The following RAB40C variants were observed in gnomAD, a reference collection of about 807,000 sequenced individuals.
The protein encoded by RAB40C is ras-related protein Rab-40C.
In RAB40C, 8 loss-of-function variants were observed where a neutral mutation model predicts 28.1. The observed-to-expected ratio is 0.28, with a 90% CI of 0.17 to 0.51. The LOEUF is 0.51. RAB40C is among the 20% of genes least tolerant of loss of function. The pLI is 0.97. For synonymous variants in RAB40C, 201 were observed against 171.7 expected (o/e 1.17, Z -1.34); for missense variants, 288 against 405.9 (o/e 0.71, Z 2.50).
intron 1 of RAB40C, among the ~76,000 whole-genome samples, chr16:613,586 A>G (rs1300219611): frequency 6.6e-6 from 1 of 152,158 alleles, no homozygotes; most frequent in Non-Finnish European, 1.5e-5. Context: ...CTGCTGAACG[A>G]TGATGTGGAA....
Position 607,093 on chromosome 16 carries a change from C to T in RAB40C, c.143-10115C>T, listed in dbSNP as rs548353890. Among the ~76,000 whole-genome samples the T allele has an allele frequency of 3.9e-5, 6 of 152,344 alleles. 1 individual carries two copies. The highest frequency in any genetic ancestry group is 4.1e-4 in the South Asian group (2 of 4,830). ...CGCAGGCTCAGCAGCCAGCCTCCCT[C>T]GGCTGCCTTACAGCAACTCTGCTGA... On this transcript the variant is annotated intron_variant, in intron 1 of 5. Transcript: ENST00000248139.
chr16:600,921 G>A (rs996152035), intron 1 of RAB40C, among the ~76,000 whole-genome samples: 9 of 152,250 alleles, frequency 5.9e-5, no homozygotes. Context: ...CTGTGGCAGA[G>A]CCTGGTGTGT....
At chr16:621,260 TC>T (rs2036710284) in intron 3 of RAB40C, among the ~76,000 whole-genome samples, 4 of 151,874 alleles carry the variant, frequency 2.6e-5, no homozygotes, top group African/African-American at 9.7e-5. Context: ...GTCCTGTGTC[TC>T]TCCTGCCTGG....
intron 1 of RAB40C, among the ~76,000 whole-genome samples, chr16:598,575 A>G (rs56268356): frequency 0.17 from 25,589 of 148,980 alleles, 2,462 homozygotes; most frequent in South Asian, 0.25. Flanking sequence ...AAAAAAAAAA[A>G]AAAAAGAAAA....
chr16:602,250 T>G (rs2036267824), intron 1 of RAB40C, among the ~76,000 whole-genome samples: 1 of 149,144 alleles, frequency 6.7e-6, no homozygotes, highest in Admixed American at 6.7e-5. Context: ...TCATCTCTGT[T>G]TTTTTTTTTT....
At chr16:615,811 A>C (rs12932411) in intron 1 of RAB40C, among the ~76,000 whole-genome samples, 35,462 of 151,918 alleles carry the variant, frequency 0.23, 4,964 homozygotes, top group East Asian at 0.6. Context: ...AAATTATAAA[A>C]ATTAGCCGGC....
intron 3 of RAB40C, among the ~76,000 whole-genome samples, chr16:620,762 C>T (rs1196948510): frequency 4.3e-4 from 42 of 98,332 alleles, no homozygotes; most frequent in African/African-American, 1.8e-3. Context: ...CCCAGCCCCC[C>T]GCCGACGGGC....
chr16:627,204 G>C (rs1291149959), intron 5 of RAB40C, 138 bp from the exon 6 acceptor site: 2 of 818,966 alleles, frequency 2.4e-6, no homozygotes, highest in Non-Finnish European at 3.8e-6. Flanking sequence ...TGGGCGTCCA[G>C]GTCCTCCAGG....
chr16:627,733 C>A lies in RAB40C; in HGVS notation c.*111C>A. The A allele has an allele frequency of 7.6e-7, 1 of 1,320,974 alleles. No homozygotes were observed. The highest frequency in any genetic ancestry group is 1.0e-6 in the Non-Finnish European group (1 of 991,976). 81.8% of individuals were successfully genotyped at this position (1,320,974 alleles called of 1,614,324 possible). A position where few individuals can be genotyped will look rare whatever the true frequency, so the allele number is the denominator to read the frequency against. On this transcript the variant is annotated 3_prime_UTR_variant, in exon 6 of 6. Transcript: ENST00000248139. ...GTGGAGACTGTCCACACAGCTGCCT[C>A]AGAAGCGCCGGGCTTTCCTCACACC...
chr16:608,836 A>G (rs979668235), intron 1 of RAB40C, among the ~76,000 whole-genome samples: 4 of 152,012 alleles, frequency 2.6e-5, no homozygotes, highest in Admixed American at 2.0e-4. Flanking sequence ...TTGTGCTACA[A>G]TTGTGTGGCG....
intron 3 of RAB40C, among the ~76,000 whole-genome samples, chr16:621,556 C>T (rs112064138): frequency 0.014 from 2,120 of 152,364 alleles, 67 homozygotes; most frequent in African/African-American, 0.049. Context: ...CTTCACGTGC[C>T]GCCGAAGGCC....
chr16:624,764 G>T (rs567381368), intron 3 of RAB40C: 1 of 985,470 alleles, frequency 1.0e-6, no homozygotes, highest in Admixed American at 6.1e-5. Flanking sequence ...GGCCTGTGAT[G>T]TCACCGTTTC....
At chr16:616,683 T>C (rs1221915410) in intron 1 of RAB40C, 1 of 154,076 alleles carries the variant, frequency 6.5e-6, no homozygotes, top group Non-Finnish European at 1.4e-5. Context: ...AACACCAACC[T>C]TGGCAGTTCC....
At chr16:590,959 C>T (rs1225535851) in intron 1 of RAB40C, among the ~76,000 whole-genome samples, 7 of 143,568 alleles carry the variant, frequency 4.9e-5, no homozygotes, top group South Asian at 4.5e-4. Context: ...ATCTGGGGTC[C>T]GGGGAAAGAT....
intron 1 of RAB40C, among the ~76,000 whole-genome samples, 153 bp downstream of exon 1, chr16:590,586 C>T (rs1051744578): frequency 6.6e-6 from 1 of 152,144 alleles, no homozygotes; most frequent in Non-Finnish European, 1.5e-5. Context: ...TCGGTGGCTG[C>T]GGGGTGCCCG....
intron 1 of RAB40C, among the ~76,000 whole-genome samples, chr16:606,802 C>T (rs1308785778): frequency 6.6e-6 from 1 of 152,232 alleles, no homozygotes; most frequent in Non-Finnish European, 1.5e-5. Context: ...TCATCTGTAG[C>T]TCAGCCAGGA....
intron 1 of RAB40C, among the ~76,000 whole-genome samples, chr16:614,401 G>A (rs76675507): frequency 5.5e-4 from 36 of 65,752 alleles, no homozygotes; most frequent in Middle Eastern, 0.019. Flanking sequence ...CCTAAACCTC[G>A]TCCCGATGGT....
chr16:607,516 AC>A (rs1353743526), intron 1 of RAB40C, among the ~76,000 whole-genome samples: 4 of 150,230 alleles, frequency 2.7e-5, no homozygotes, highest in Non-Finnish European at 4.4e-5. Flanking sequence ...AAAAAAAAAA[AC>A]GGGGGGCCGG....
chr16:624,664 A>G (rs2036789138), intron 3 of RAB40C: 2 of 985,376 alleles, frequency 2.0e-6, no homozygotes, highest in South Asian at 9.4e-5. Flanking sequence ...TCAGCCTAGG[A>G]GTAGGGTGGA....
Sources: allele counts gnomAD v4.1 joint callset (sites outside exome capture counted in the v4.1 genomes callset), GRCh38; gene constraint gnomAD v4.1.1; transcripts MANE v1.5; gene names NCBI Gene and HGNC (gene_info 2026-07-23, HGNC 2026-07-21).